The following MPP4 variants were observed in gnomAD, a reference collection of about 807,000 sequenced individuals.
MPP4 encodes the protein MAGUK p55 subfamily member 4.
MPP4 carries 91 observed loss-of-function variants against 98.3 expected under a neutral mutation model. The observed-to-expected ratio is 0.93, with a 90% CI of 0.78 to 1.10. MPP4 has a LOEUF of 1.10. MPP4 is among the 50% of genes least tolerant of loss of function. The probability of loss-of-function intolerance (pLI) is 0.00; values close to 1 mark genes in which losing one functional copy is unlikely to be tolerated. For missense variants in MPP4, 744 were observed against 792.9 expected (o/e 0.94, Z 0.74); for synonymous variants, 261 against 271.8 (o/e 0.96, Z 0.39).
intron 4 of MPP4, 28 bp downstream of exon 4, chr2:201,690,174 A>C (rs1323629137): frequency 4.0e-6 from 6 of 1,515,528 alleles, no homozygotes. Context: ...TCAGAGCTCT[A>C]CTATCCTGTG....
At chr2:201,682,194 G>A (rs985330911) in intron 8 of MPP4, among the ~76,000 whole-genome samples, 11 of 152,168 alleles carry the variant, frequency 7.2e-5, no homozygotes, top group African/African-American at 2.4e-4. Flanking sequence ...GGCACCAGGG[G>A]GTAGAAGCCA....
intron 20 of MPP4, among the ~76,000 whole-genome samples, chr2:201,649,056 C>T (rs957402736): frequency 2.6e-5 from 4 of 151,916 alleles, no homozygotes; most frequent in African/African-American, 9.7e-5. Flanking sequence ...AGAGCAGGGC[C>T]TTGTCTCAAA....
Position 201,687,372 on chromosome 2 carries a change from C to G in MPP4, c.280-1G>C, listed in dbSNP as rs752634578. 1.9e-6 allele frequency: 3 copies of G among 1,570,896 alleles called. No individual in the cohort carries two copies. The highest frequency in any genetic ancestry group is 1.2e-5 in the South Asian group (1 of 85,280). ...GGGTTTCACGTAATAACTCCACTAC[C>G]TGGTTCATGGAAAAGGATACATTAT... On this transcript the variant is annotated splice_acceptor_variant, in intron 4 of 21. Transcript: ENST00000409474. LOFTEE classifies it high-confidence loss of function.
intron 4 of MPP4, among the ~76,000 whole-genome samples, chr2:201,689,874 G>C (rs1468223801): frequency 1.3e-5 from 2 of 152,020 alleles, no homozygotes. Flanking sequence ...GGAATTTAGG[G>C]AAATCTCCAG....
At chr2:201,694,312 ATTT>A (rs1248742725) in intron 1 of MPP4, among the ~76,000 whole-genome samples, 1 of 152,134 alleles carries the variant, frequency 6.6e-6, no homozygotes, top group Non-Finnish European at 1.5e-5. Flanking sequence ...CAAATACTAT[ATTT>A]ATTTATCTTC....
chr2:201,684,132 T>TCAGCCTTCC (rs2105941564), intron 7 of MPP4, among the ~76,000 whole-genome samples: 2 of 151,626 alleles, frequency 1.3e-5, no homozygotes, highest in South Asian at 4.2e-4. Context: ...GGTGGAAGGA[T>TCAGCCTTCC]TGCTTGAGCC....
At chr2:201,657,601 G>GTTTT (rs1393900511) in intron 16 of MPP4, among the ~76,000 whole-genome samples, 4 of 104,994 alleles carry the variant, frequency 3.8e-5, no homozygotes, top group Admixed American at 1.1e-4. Flanking sequence ...TTTTTTTTTT[G>GTTTT]TTTTTTTGTT....
chr2:201,685,976 G>A lies in MPP4; in HGVS notation c.435C>T (p.Ile145=). ...TCCTCATTGCTTCCTCACTCTCAGG[G>A]ATATTGTCTGGCAGTGGAGGGAGAA... is the stretch of plus-strand genomic sequence containing the variant. The part of the protein sequence containing the change: ...EPLLPPLPDN[I]PESEEAMRIV... The change falls in exon 6 of 22, where the codon ATC becomes ATT. Residue 145 remains isoleucine, a synonymous_variant. Transcript: ENST00000409474. 6.2e-7 allele frequency: 1 copy of A among 1,613,052 alleles called. No individual in the cohort carries two copies. The highest frequency in any genetic ancestry group is 8.5e-7 in the Non-Finnish European group (1 of 1,179,142).
chr2:201,670,825 G>A (rs1317168188), intron 11 of MPP4, among the ~76,000 whole-genome samples: 3 of 152,224 alleles, frequency 2.0e-5, no homozygotes, highest in Non-Finnish European at 2.9e-5. Context: ...CAATGCAGAA[G>A]GCAGGTGATT....
At chr2:201,646,144 G>A (rs771721188) in intron 21 of MPP4, among the ~76,000 whole-genome samples, 5 of 152,012 alleles carry the variant, frequency 3.3e-5, no homozygotes, top group Admixed American at 6.6e-5. Context: ...TCAACTTCCC[G>A]TGTGAACTTA....
At chr2:201,667,584 T>C (rs2105926105) in intron 12 of MPP4, among the ~76,000 whole-genome samples, 1 of 152,344 alleles carries the variant, frequency 6.6e-6, no homozygotes, top group African/African-American at 2.4e-5. Context: ...AAATTGTTGA[T>C]TTGAATAAAG....
Position 201,649,664 on chromosome 2 carries a change from T to A in MPP4, c.1496A>T (p.Tyr499Phe). Residue 499 changes from tyrosine to phenylalanine, a missense_variant, in exon 20 of 22, where the codon TAC becomes TTC. Tyr to Phe is a conservative substitution (Grantham distance 22, BLOSUM62 3). Coordinates refer to ENST00000409474, the MANE Select transcript of MPP4 (RefSeq NM_033066.3). ...YSHRMLEYGEYKGHLYGTSVD... is the reference protein window; with the variant it reads ...YSHRMLEYGEFKGHLYGTSVD... ...ACTAGTGCCATACAGGTGGCCTTTG[T>A]ACTCACCATACTCCAGCATCCTGCA... The A allele has an allele frequency of 6.2e-7, 1 of 1,609,958 alleles. No individual in the cohort carries two copies. The highest frequency in any genetic ancestry group is 8.5e-7 in the Non-Finnish European group (1 of 1,178,062).
At chr2:201,682,033 A>G (rs1688679078) in intron 8 of MPP4, among the ~76,000 whole-genome samples, 1 of 152,166 alleles carries the variant, frequency 6.6e-6, no homozygotes, top group Admixed American at 6.5e-5. Context: ...ACAACCTTCC[A>G]AACTAATAGA....
intron 10 of MPP4, among the ~76,000 whole-genome samples, chr2:201,678,517 C>A (rs975641267): frequency 1.3e-5 from 2 of 152,148 alleles, no homozygotes; most frequent in Non-Finnish European, 2.9e-5. Context: ...TCCTCTCCCA[C>A]GCCCAGTGGG....
At chr2:201,695,277 T>A (rs1017776351) in intron 1 of MPP4, among the ~76,000 whole-genome samples, 2 of 152,122 alleles carry the variant, frequency 1.3e-5, no homozygotes, top group Non-Finnish European at 2.9e-5. Flanking sequence ...GAGGAAGGGA[T>A]TAAGAAAACA....
chr2:201,667,815 C>T (rs1688225515), intron 12 of MPP4, among the ~76,000 whole-genome samples: 1 of 152,148 alleles, frequency 6.6e-6, no homozygotes, highest in Non-Finnish European at 1.5e-5. Flanking sequence ...TTAAAAACCA[C>T]ATCACTCATT....
chr2:201,664,564 G>A (rs773916068), intron 13 of MPP4, among the ~76,000 whole-genome samples: 9 of 152,138 alleles, frequency 5.9e-5, no homozygotes, highest in Non-Finnish European at 8.8e-5. Flanking sequence ...ACTTGATTAC[G>A]TAGGCTTGAT....
At chr2:201,691,521 T>G (rs1159891639) in intron 3 of MPP4, among the ~76,000 whole-genome samples, 2 of 152,146 alleles carry the variant, frequency 1.3e-5, no homozygotes, top group African/African-American at 2.4e-5. Context: ...TTATTCTATT[T>G]TATTTATTTA....
chr2:201,689,918 A>C (rs1688957185), intron 4 of MPP4, among the ~76,000 whole-genome samples: 1 of 152,128 alleles, frequency 6.6e-6, no homozygotes, highest in African/African-American at 2.4e-5. Flanking sequence ...TATTACTATA[A>C]CATTACCCTG....
Sources: gnomAD v4.1 joint callset for allele counts (sites outside exome capture counted in the v4.1 genomes callset) on GRCh38, gnomAD v4.1.1 for gene constraint, MANE v1.5 for transcripts, NCBI Gene and HGNC (gene_info 2026-07-23, HGNC 2026-07-21) for gene names.